FLNB: variants seen among roughly 807,000 people sequenced by gnomAD.
The protein encoded by FLNB is filamin-B.
In FLNB, 111 loss-of-function variants were observed where a neutral mutation model predicts 250.6. That is an observed-to-expected ratio of 0.44 (90% CI 0.38 to 0.52). The LOEUF (loss-of-function observed/expected upper bound fraction) is 0.52. FLNB is among the 20% of genes least tolerant of loss of function. The probability of loss-of-function intolerance (pLI) is 0.00; values close to 1 mark genes in which losing one functional copy is unlikely to be tolerated. For missense variants in FLNB, 2,869 were observed against 3,447.8 expected (o/e 0.83, Z 4.20); for synonymous variants, 1,302 against 1,372.1 (o/e 0.95, Z 1.13).
Position 58,123,104 on chromosome 3 carries a change from C to T in FLNB, c.3138C>T (p.His1046=), listed in dbSNP as rs371901421. 6.4e-5 allele frequency: 103 copies of T among 1,614,060 alleles called. No individual in the cohort carries two copies. Among genetic ancestry groups the T allele is most frequent in the Admixed American group, 1.5e-4 (9 of 60,022 alleles). ...CTTTGCTCAAATAGGTGAAGGCCCA[C>T]GGTCCCGGCCTCGAAGGTGGTCTCG... The part of the protein sequence containing the change: ...LPPDPSKVKA[H]GPGLEGGLVG... Residue 1046 remains histidine (H), a synonymous_variant, in exon 21 of 46, where the codon CAC becomes CAT. Transcript: ENST00000295956.
At chr3:58,074,115 T>A (rs2097198470) in intron 1 of FLNB, among the ~76,000 whole-genome samples, 1 of 152,192 alleles carries the variant, frequency 6.6e-6, no homozygotes, top group African/African-American at 2.4e-5. Flanking sequence ...AGGCTTTCAG[T>A]AAAGGAGACG....
intron 1 of FLNB, among the ~76,000 whole-genome samples, chr3:58,071,241 G>A (rs1016570891): frequency 1.4e-5 from 2 of 146,192 alleles, no homozygotes; most frequent in South Asian, 2.2e-4. Context: ...GAGATGAACC[G>A]CCTGGCCTAC....
chr3:58,108,036 T>C (rs1172763791), intron 12 of FLNB, among the ~76,000 whole-genome samples: 1 of 152,064 alleles, frequency 6.6e-6, no homozygotes, highest in African/African-American at 2.4e-5. Context: ...TTTCCAATAT[T>C]TTGCCTTCCC....
intron 19 of FLNB, among the ~76,000 whole-genome samples, chr3:58,120,249 G>A (rs570221537): frequency 2.0e-5 from 3 of 152,306 alleles, no homozygotes; most frequent in South Asian, 2.1e-4. Context: ...GTGTGTAAAC[G>A]TCCACTGCCC....
chr3:58,100,373 A>AAAAAAAAAATATATATATAT, intron 8 of FLNB, among the ~76,000 whole-genome samples: 3 of 104,386 alleles, frequency 2.9e-5, no homozygotes, highest in East Asian at 3.4e-4. Context: ...GTAAAAAAAA[A>AAAAAAAAAATATATATATAT]ATATATATAT....
At chr3:58,143,423 G>C (rs1432024235) in intron 31 of FLNB, 50 bp from the exon 32 acceptor site, 2 of 1,609,922 alleles carry the variant, frequency 1.2e-6, no homozygotes, top group Admixed American at 3.3e-5. Context: ...CTGCTTCTCT[G>C]GGGAAGGTTG....
At chr3:58,093,842 A>G (rs1270419814) in intron 4 of FLNB, among the ~76,000 whole-genome samples, 3 of 152,202 alleles carry the variant, frequency 2.0e-5, no homozygotes, top group Non-Finnish European at 4.4e-5. Flanking sequence ...CCTGTAGACA[A>G]TTATATGTAG....
chr3:58,070,650 CTCTCTCTCTCTTT>C (rs2097192902), intron 1 of FLNB, among the ~76,000 whole-genome samples: 2 of 132,606 alleles, frequency 1.5e-5, no homozygotes, highest in Admixed American at 1.5e-4. Flanking sequence ...CCCCATCTCT[CTCTCTCTCTCTTT>C]TTTTTTTTTT....
intron 32 of FLNB, among the ~76,000 whole-genome samples, chr3:58,144,924 G>A (rs2097333419): frequency 1.3e-5 from 2 of 152,118 alleles, no homozygotes; most frequent in African/African-American, 2.4e-5. Flanking sequence ...TTGGATCCAC[G>A]GCCTGTTTTT....
chr3:58,024,635 G>T (rs2097120194), intron 1 of FLNB, among the ~76,000 whole-genome samples: 1 of 150,814 alleles, frequency 6.6e-6, no homozygotes, highest in Admixed American at 6.6e-5. Context: ...TGGGTTTTTG[G>T]ATAACTGTTG....
At chr3:58,020,048 G>GGGGTGT (rs1255450719) in intron 1 of FLNB, among the ~76,000 whole-genome samples, 5 of 136,904 alleles carry the variant, frequency 3.7e-5, no homozygotes, top group South Asian at 5.1e-4. Flanking sequence ...ACACCACAGG[G>GGGGTGT]GTGTGTGTGT....
chr3:58,057,916 G>A (rs376329814), intron 1 of FLNB, among the ~76,000 whole-genome samples: 2 of 151,980 alleles, frequency 1.3e-5, no homozygotes, highest in African/African-American at 4.8e-5. Context: ...TCAGCCTCCC[G>A]AGTAGCTGGG....
chr3:58,069,417 T>C (rs55809752), intron 1 of FLNB, among the ~76,000 whole-genome samples: 25,939 of 151,720 alleles, frequency 0.17, 2,669 homozygotes, highest in East Asian at 0.29. Context: ...ATTTTTGTAT[T>C]TTTAGTAGCG....
At chr3:58,073,595 C>T (rs1272560552) in intron 1 of FLNB, among the ~76,000 whole-genome samples, 1 of 148,938 alleles carries the variant, frequency 6.7e-6, no homozygotes, top group African/African-American at 2.5e-5. Context: ...TTTTTTGGCA[C>T]TGGGGAGTTG....
intron 5 of FLNB, among the ~76,000 whole-genome samples, chr3:58,095,454 C>G (rs2097236864): frequency 6.6e-6 from 1 of 152,136 alleles, no homozygotes; most frequent in Non-Finnish European, 1.5e-5. Context: ...CAGGGTTTCA[C>G]CACATTGGCC....
chr3:58,140,411 A>G (rs2097324861), intron 29 of FLNB, among the ~76,000 whole-genome samples: 1 of 152,194 alleles, frequency 6.6e-6, no homozygotes. Context: ...CAGGCAGAGG[A>G]TAGGGCTGTT....
rs1324832315 is a variant in FLNB at position 58,020,570 on chromosome 3, T to A, written c.292+11714T>A. Among the ~76,000 whole-genome samples the A allele has an allele frequency of 2.6e-5, 4 of 152,178 alleles. No individual in the cohort carries two copies. In the East Asian group the frequency reaches 7.7e-4, roughly 29 times the overall value. ...GTGTTAACACAGCACTCCTGTTCTC[T>A]CTCTCTGAAGGCCCTTTATGCTGGC... On this transcript the variant is annotated intron_variant, in intron 1 of 45. Transcript: ENST00000295956.
intron 1 of FLNB, among the ~76,000 whole-genome samples, chr3:58,067,662 T>C (rs1186630735): frequency 1.3e-5 from 2 of 151,286 alleles, no homozygotes; most frequent in Non-Finnish European, 2.9e-5. Context: ...AGTGGCATGA[T>C]CTTGGCTCAC....
chr3:58,171,482 T>C lies in FLNB; in HGVS notation c.*720T>C, dbSNP rs555631843. Reference sequence around the variant, plus strand: ...CCCGGCAGTCATGGTTTTGCTTTAGTTTTCCAAGTCCGTTTCAGTCCCTTC... The same window carrying C: ...CCCGGCAGTCATGGTTTTGCTTTAGCTTTCCAAGTCCGTTTCAGTCCCTTC... On this transcript the variant is annotated 3_prime_UTR_variant, in exon 46 of 46. Coordinates refer to ENST00000295956, the MANE Select transcript of FLNB (RefSeq NM_001457.4). The surrounding 1 kb of genome is among the most constrained non-coding windows in gnomAD (Gnocchi z 5.5). 1 of 152,484 alleles carries C rather than the reference T, an allele frequency of 6.6e-6. No homozygotes were observed. The highest frequency in any genetic ancestry group is 2.4e-5 in the African/African-American group (1 of 41,552). The allele number at this position is 152,484 out of a possible 1,614,324, so 9.4% of individuals were successfully genotyped here. A position where few individuals can be genotyped will look rare whatever the true frequency, so the allele number is the denominator to read the frequency against.
Sources: gnomAD v4.1 joint callset for allele counts (sites outside exome capture counted in the v4.1 genomes callset) on GRCh38, gnomAD v4.1.1 for gene constraint, Gnocchi (gnomAD v3.1) non-coding constraint, MANE v1.5 for transcripts, NCBI Gene and HGNC (gene_info 2026-07-23, HGNC 2026-07-21) for gene names.